Variants in MYH11 observed in about 807,000 individuals in gnomAD.
The protein encoded by MYH11 is myosin-11.
MYH11 carries 80 observed loss-of-function variants against 246.6 expected under a neutral mutation model. The ratio of observed to expected loss-of-function variants is 0.32; its 90% CI spans 0.27 to 0.39. The LOEUF (loss-of-function observed/expected upper bound fraction) is 0.39, where lower values mean the gene tolerates loss of function less well. Ranked by LOEUF, MYH11 falls within the 10% of genes least tolerant of loss-of-function variation. MYH11 has a pLI of 1.00. For missense variants in MYH11, 2,158 were observed against 2,546.8 expected (o/e 0.85, Z 3.29); for synonymous variants, 1,071 against 1,015.5 (o/e 1.05, Z -1.04).
At chr16:15,826,207 GGT>G (rs2043560672) in intron 2 of MYH11, among the ~76,000 whole-genome samples, 1 of 152,058 alleles carries the variant, frequency 6.6e-6, no homozygotes, top group Non-Finnish European at 1.5e-5. Flanking sequence ...CCATGCAAAA[GGT>G]GCTGGGACTA....
chr16:15,776,318 G>T (rs894983736), intron 7 of MYH11, 142 bp from the exon 8 acceptor site: 34 of 693,546 alleles, frequency 4.9e-5, no homozygotes, highest in Non-Finnish European at 7.1e-5. Context: ...TTTGACCATT[G>T]CCCCTATGGA....
intron 31 of MYH11, among the ~76,000 whole-genome samples, chr16:15,723,806 T>G (rs1050721175): frequency 1.3e-5 from 2 of 152,198 alleles, no homozygotes; most frequent in Non-Finnish European, 2.9e-5. Context: ...GTATAGAAAC[T>G]GAATTACTTG....
intron 4 of MYH11, among the ~76,000 whole-genome samples, chr16:15,789,104 A>C (rs2042551140): frequency 6.6e-6 from 1 of 152,158 alleles, no homozygotes; most frequent in Admixed American, 6.5e-5. Context: ...TAGAAGGAAG[A>C]GTCTTGCCCA....
intron 9 of MYH11, among the ~76,000 whole-genome samples, chr16:15,764,986 T>G (rs2041950006): frequency 6.6e-6 from 1 of 152,252 alleles, no homozygotes; most frequent in African/African-American, 2.4e-5. Context: ...CAGGCCATGT[T>G]ACTGTTAAAA....
chr16:15,850,176 G>C (rs1049452635), intron 1 of MYH11, among the ~76,000 whole-genome samples: 8 of 152,234 alleles, frequency 5.3e-5, no homozygotes, highest in African/African-American at 1.9e-4. Context: ...CCTGAGGTCA[G>C]TAGTTCAAGA....
intron 3 of MYH11, among the ~76,000 whole-genome samples, chr16:15,810,471 A>G (rs183412447): frequency 3.9e-5 from 6 of 152,134 alleles, no homozygotes; most frequent in Admixed American, 1.3e-4. Context: ...CCAAACAGAC[A>G]CTCCTAGCAC....
intron 24 of MYH11, among the ~76,000 whole-genome samples, chr16:15,737,974 G>A (rs1320226685): frequency 2.6e-5 from 4 of 152,072 alleles, no homozygotes; most frequent in East Asian, 3.9e-4. Flanking sequence ...TGTATTTTGA[G>A]ACAGGGTTTC....
At chr16:15,824,984 C>T (rs1324389501) in intron 2 of MYH11, among the ~76,000 whole-genome samples, 1 of 152,154 alleles carries the variant, frequency 6.6e-6, no homozygotes, top group African/African-American at 2.4e-5. Flanking sequence ...TACCCCACAG[C>T]GCCTGCTCCT....
intron 2 of MYH11, among the ~76,000 whole-genome samples, chr16:15,825,581 T>C (rs1466269259): frequency 2.6e-5 from 4 of 152,034 alleles, no homozygotes; most frequent in African/African-American, 9.7e-5. Flanking sequence ...TGTACAACAT[T>C]GTGAATGCAC....
At chr16:15,802,565 C>T (rs569535731) in intron 3 of MYH11, among the ~76,000 whole-genome samples, 17 of 152,334 alleles carry the variant, frequency 1.1e-4, no homozygotes, top group South Asian at 4.1e-4. Context: ...CCTCCCTCTT[C>T]GGCCTCCCCT....
In MYH11 at chr16:15,772,152, C is replaced by T. The variant is rs143019529; in HGVS notation, c.890-440G>A. Among the ~76,000 whole-genome samples the T allele has an allele frequency of 5.6e-3, 732 of 131,010 alleles. 13 individuals carry two copies. Among genetic ancestry groups the T allele is most frequent in the African/African-American group, 0.02 (683 of 34,982 alleles). 85.9% of individuals were successfully genotyped at this position (131,010 alleles called of 152,430 possible). A position where few individuals can be genotyped will look rare whatever the true frequency, so the allele number is the denominator to read the frequency against. ...TGTCGTCCAGGCAGGAGTGCAGTGG[C>T]GCGATCTCGGCTCACTGCAACCTCC... On this transcript the variant is annotated intron_variant, in intron 8 of 40. Coordinates refer to ENST00000300036, the MANE Select transcript of MYH11 (RefSeq NM_002474.3).
In MYH11 at chr16:15,758,798, TA is replaced by T. The variant is rs201338555; in HGVS notation, c.1401+777del. 8.2e-3 allele frequency among the ~76,000 whole-genome samples: 1,095 copies of T among 133,970 alleles called. 3 individuals are homozygous for T. The highest frequency in any genetic ancestry group is 0.012 in the African/African-American group (448 of 36,328). 87.9% of individuals were successfully genotyped at this position (133,970 alleles called of 152,430 possible). A position where few individuals can be genotyped will look rare whatever the true frequency, so the allele number is the denominator to read the frequency against. ...CTGGGCAACAGAGCGAGACTCTGTC[TA>T]AAAAAAAAAAAAAAATTAGCTGGGC... is the stretch of plus-strand genomic sequence containing the variant. On this transcript the variant is annotated intron_variant, in intron 12 of 40. Transcript: ENST00000300036.
At chr16:15,852,393 T>C (rs1402504614) in intron 1 of MYH11, among the ~76,000 whole-genome samples, 1 of 142,666 alleles carries the variant, frequency 7.0e-6, no homozygotes, top group South Asian at 2.2e-4. Flanking sequence ...AGTGCAGTGG[T>C]GTGATCTCGG....
At chr16:15,790,022 T>G (rs2042570856) in intron 4 of MYH11, among the ~76,000 whole-genome samples, 1 of 152,200 alleles carries the variant, frequency 6.6e-6, no homozygotes, top group Non-Finnish European at 1.5e-5. Flanking sequence ...AACAAAGACA[T>G]CACCGGGTGT....
At chr16:15,845,588 A>G (rs1432680367) in intron 1 of MYH11, among the ~76,000 whole-genome samples, 1 of 152,176 alleles carries the variant, frequency 6.6e-6, no homozygotes, top group African/African-American at 2.4e-5. Flanking sequence ...TCTTCTTTTA[A>G]TAGTATAACC....
At chr16:15,782,333 A>C in intron 6 of MYH11, 52 bp downstream of exon 6, 16 of 1,477,798 alleles carry the variant, frequency 1.1e-5, no homozygotes, top group Non-Finnish European at 1.2e-5. Context: ...AGCCCCAGGC[A>C]GGAGATGACA....
chr16:15,717,775 CACAG>C (rs2040241497), intron 37 of MYH11: 1 of 276,490 alleles, frequency 3.6e-6, no homozygotes, highest in Non-Finnish European at 7.0e-6. Flanking sequence ...CAGCCTGGGC[CACAG>C]AGAGACCCTG....
intron 3 of MYH11, among the ~76,000 whole-genome samples, chr16:15,806,041 G>A (rs376733967): frequency 3.5e-4 from 53 of 152,132 alleles, no homozygotes; most frequent in African/African-American, 1.2e-3. Context: ...CACTTTGGGA[G>A]GCTGAGGTGG....
chr16:15,786,642 G>A lies in MYH11; in HGVS notation c.621C>T (p.Asp207=), dbSNP rs748471978. 9.3e-6 allele frequency: 15 copies of A among 1,614,132 alleles called. No homozygotes were observed. In the South Asian group the frequency reaches 1.3e-4, roughly 14 times the overall value. Reference sequence around the variant, plus strand: ...AACTGCCACTCACCGTGATACTTGTGTCTTTCTTGCCCTTGTGGGAGGAGG... The same window carrying A: ...AACTGCCACTCACCGTGATACTTGTATCTTTCTTGCCCTTGTGGGAGGAGG... ...VVASSHKGKK[D]TSITGELEKQ... is the part of the protein sequence containing the mutation. The change falls in exon 5 of 41, where the codon GAC becomes GAT. Residue 207 remains aspartate (D), a synonymous_variant. Coordinates refer to ENST00000300036, the MANE Select transcript of MYH11 (RefSeq NM_002474.3).
Sources: gnomAD v4.1 joint callset for allele counts (sites outside exome capture counted in the v4.1 genomes callset) on GRCh38, gnomAD v4.1.1 for gene constraint, MANE v1.5 for transcripts, NCBI Gene and HGNC (gene_info 2026-07-23, HGNC 2026-07-21) for gene names.